DNAH7: variants seen among roughly 807,000 people sequenced by gnomAD.
The protein encoded by DNAH7 is axonemal beta dynein heavy chain 7.
In DNAH7, 397 loss-of-function variants were observed where a neutral mutation model predicts 444.6. The ratio of observed to expected loss-of-function variants is 0.89; its 90% CI spans 0.82 to 0.97. DNAH7 has a LOEUF of 0.97. Among genes scored for constraint, DNAH7 ranks in the 50% least tolerant of loss-of-function variants. The pLI is 0.00. For missense variants in DNAH7, 4,902 were observed against 4,800.8 expected, an observed-to-expected ratio of 1.02 and a Z score of -0.62; for synonymous variants, 1,636 against 1,624.4, an observed-to-expected ratio of 1.01 and a Z score of -0.17.
chr2:195,804,964 T>C (rs1261724147), intron 54 of DNAH7, among the ~76,000 whole-genome samples: 1 of 152,050 alleles, frequency 6.6e-6, no homozygotes, highest in Non-Finnish European at 1.5e-5. Context: ...ACCATAAATT[T>C]AACCTCCAAT....
intron 63 of DNAH7, among the ~76,000 whole-genome samples, chr2:195,752,345 G>T (rs76895555): frequency 0.012 from 1,856 of 152,092 alleles, 36 homozygotes; most frequent in East Asian, 0.07. Flanking sequence ...ACAGATGAGG[G>T]AGCAGAAGAA....
chr2:195,826,502 G>A lies in DNAH7; in HGVS notation c.9101-2057C>T, dbSNP rs141256489. Among the ~76,000 whole-genome samples, 91 of 152,246 alleles carry A rather than the reference G, an allele frequency of 6.0e-4. 1 individual carries two copies. The highest frequency in any genetic ancestry group is 8.3e-4 in the South Asian group (4 of 4,830). ...ATGAACCTGGCTGTCTGGCTCCTTC[G>A]TCGCTCTCTTAACCACTATACCATA... is the stretch of plus-strand genomic sequence containing the variant. On this transcript the variant is annotated intron_variant, in intron 48 of 64. Transcript: ENST00000312428.
chr2:195,776,529 G>T (rs886188988), intron 59 of DNAH7, among the ~76,000 whole-genome samples: 1 of 151,984 alleles, frequency 6.6e-6, no homozygotes, highest in East Asian at 1.9e-4. Flanking sequence ...TTTTTTAATG[G>T]GGGGGAGGGG....
At chr2:196,042,824 CT>C (rs575358886) in intron 5 of DNAH7, among the ~76,000 whole-genome samples, 15 of 152,180 alleles carry the variant, frequency 9.9e-5, no homozygotes, top group African/African-American at 3.6e-4. Flanking sequence ...TACTATACAA[CT>C]CTTCATTCTA....
intron 1 of DNAH7, among the ~76,000 whole-genome samples, chr2:196,062,680 G>T (rs1381931090): frequency 6.6e-6 from 1 of 152,004 alleles, no homozygotes; most frequent in Non-Finnish European, 1.5e-5. Context: ...TCGCCCCTAC[G>T]ATCACAGGCC....
chr2:195,810,566 C>T (rs1449352575), intron 51 of DNAH7, among the ~76,000 whole-genome samples: 2 of 151,990 alleles, frequency 1.3e-5, no homozygotes, highest in Non-Finnish European at 2.9e-5. Context: ...CGTGCACCAC[C>T]ATGCCTGGCT....
At position 196,028,051 on chromosome 2, in the gene DNAH7, A is replaced by G; in HGVS notation, c.399-4T>C. ...GTCTAAGTCAGCATCTTGTTGCCTA[A>G]GAAAATGATAAACATACTATTCAAA... On this transcript the variant is annotated splice_polypyrimidine_tract_variant and splice_region_variant and intron_variant, in intron 5 of 64. Coordinates refer to ENST00000312428, the MANE Select transcript of DNAH7 (RefSeq NM_018897.3). The G allele has an allele frequency of 3.1e-6, 5 of 1,606,570 alleles. No homozygotes were observed. Among genetic ancestry groups the G allele is most frequent in the Non-Finnish European group, 8.5e-7 (1 of 1,176,290 alleles).
chr2:195,817,573 CTGTTA>C, intron 50 of DNAH7, 118 bp downstream of exon 50: 1 of 1,024,934 alleles, frequency 9.8e-7, no homozygotes, highest in South Asian at 2.2e-5. Flanking sequence ...TTACATTTTC[CTGTTA>C]TATTTTCCCT....
chr2:195,856,016 TA>T, intron 44 of DNAH7, 25 bp from the exon 45 acceptor site: 1 of 1,593,498 alleles, frequency 6.3e-7, no homozygotes, highest in Non-Finnish European at 8.6e-7. Flanking sequence ...ATTGAAAAAT[TA>T]AATATTCATT....
chr2:195,882,653 TA>T (rs1367420360), intron 35 of DNAH7, among the ~76,000 whole-genome samples: 1 of 152,218 alleles, frequency 6.6e-6, no homozygotes. Flanking sequence ...ACTAAAATTT[TA>T]ATTTGCTATG....
At position 195,888,405 on chromosome 2, in the gene DNAH7, C is replaced by G. The variant is rs1346153869; in HGVS notation, c.5259G>C (p.Glu1753Asp). Reference sequence around the variant, plus strand: ...GTGGTCTCCAGCCTAACATGTGAGGCTCCATGTAAATCATGCCACATCTGG... The same window carrying G: ...GTGGTCTCCAGCCTAACATGTGAGGGTCCATGTAAATCATGCCACATCTGG... ...TVSRCGMIYM[E>D]PHMLGWRPLM... The change falls in exon 33 of 65, where the codon GAG (glutamate) becomes GAC (aspartate). Residue 1753 changes from glutamate (E) to aspartate (D), a missense_variant. Coordinates refer to ENST00000312428, the MANE Select transcript of DNAH7 (RefSeq NM_018897.3). 1 of 1,598,128 alleles carries G rather than the reference C, an allele frequency of 6.3e-7. No individual in the cohort carries two copies. The highest frequency in any genetic ancestry group is 2.3e-5 in the East Asian group (1 of 44,158).
rs1237091397 is a variant in DNAH7 at position 196,027,949 on chromosome 2, T to A, written c.486+11A>T. 9 of 1,608,824 alleles carry A rather than the reference T, an allele frequency of 5.6e-6. No individual in the cohort carries two copies. In the East Asian group the frequency reaches 2.0e-4, roughly 36 times the overall value. ...TTTTCAATTATACAGACAAAACAAA[T>A]GGCCAGTTACCAAGATGTCTTTCTC... On this transcript the variant is annotated intron_variant, in intron 6 of 64. Transcript: ENST00000312428.
intron 55 of DNAH7, 64 bp from the exon 56 acceptor site, chr2:195,796,801 T>C: frequency 6.6e-7 from 1 of 1,518,446 alleles, no homozygotes; most frequent in Non-Finnish European, 8.9e-7. Context: ...AATATTGTTT[T>C]TTTAAAAGTT....
intron 2 of DNAH7, among the ~76,000 whole-genome samples, chr2:196,055,825 C>T (rs1249956978): frequency 6.6e-6 from 1 of 152,178 alleles, no homozygotes; most frequent in Non-Finnish European, 1.5e-5. Context: ...GCCTCCTATA[C>T]AACAACCCCA....
Position 195,756,118 on chromosome 2 carries a change from T to C in DNAH7, c.11586+15A>G. ...GGAGAAACTTAACAATATACGATCA[T>C]TTAGACGAACTTACCTGCAAGAATT... On this transcript the variant is annotated intron_variant, in intron 62 of 64. Coordinates refer to ENST00000312428, the MANE Select transcript of DNAH7 (RefSeq NM_018897.3). The C allele has an allele frequency of 3.1e-6, 5 of 1,590,856 alleles. No homozygotes were observed. Among genetic ancestry groups the C allele is most frequent in the Non-Finnish European group, 4.3e-6 (5 of 1,166,312 alleles).
At chr2:196,027,938 G>A (rs1236819288) in intron 6 of DNAH7, 22 bp downstream of exon 6, 1 of 1,604,074 alleles carries the variant, frequency 6.2e-7, no homozygotes, top group East Asian at 2.2e-5. Flanking sequence ...CAATTATACA[G>A]ACAAAACAAA....
chr2:195,831,929 C>T (rs1698094107), intron 48 of DNAH7, among the ~76,000 whole-genome samples: 1 of 152,156 alleles, frequency 6.6e-6, no homozygotes, highest in East Asian at 1.9e-4. Context: ...TCTCTAATAC[C>T]TCACTTACCT....
chr2:196,013,562 C>T (rs1694841582), intron 9 of DNAH7, among the ~76,000 whole-genome samples: 1 of 152,058 alleles, frequency 6.6e-6, no homozygotes, highest in African/African-American at 2.4e-5. Flanking sequence ...TTAATGTTTC[C>T]TTAAAGACCA....
chr2:196,028,502 C>A (rs1399359775), intron 5 of DNAH7, among the ~76,000 whole-genome samples: 1 of 152,170 alleles, frequency 6.6e-6, no homozygotes, highest in Non-Finnish European at 1.5e-5. Flanking sequence ...TTTCTATAGA[C>A]ATACAAGTTA....
Sources: allele counts gnomAD v4.1 joint callset (sites outside exome capture counted in the v4.1 genomes callset), GRCh38; gene constraint gnomAD v4.1.1; transcripts MANE v1.5; gene names NCBI Gene and HGNC (gene_info 2026-07-23, HGNC 2026-07-21).